The following PPARGC1A variants were observed in gnomAD, a reference collection of about 807,000 sequenced individuals.
The protein encoded by PPARGC1A is peroxisome proliferator-activated receptor gamma coactivator 1-alpha.
Under a neutral mutation model 88.7 loss-of-function variants are expected in PPARGC1A, and 25 were observed. The observed-to-expected ratio is 0.28, with a 90% CI of 0.21 to 0.39. PPARGC1A has a LOEUF of 0.39. Among genes scored for constraint, PPARGC1A ranks in the 10% least tolerant of loss-of-function variants. PPARGC1A has a pLI of 1.00. For missense variants in PPARGC1A, 880 were observed against 968.7 expected (o/e 0.91, Z 1.22); for synonymous variants, 363 against 355.6 (o/e 1.02, Z -0.24).
the PPARGC1A span, among the ~76,000 whole-genome samples, chr4:24,032,211 C>G: frequency 6.6e-6 from 1 of 152,186 alleles, no homozygotes; most frequent in African/African-American, 2.4e-5. Flanking sequence ...TTCTCATAAC[C>G]TTTTGACATG....
chr4:24,311,098 T>C, the PPARGC1A span, among the ~76,000 whole-genome samples: 1 of 110,718 alleles, frequency 9.0e-6, no homozygotes, highest in Non-Finnish European at 1.9e-5. Flanking sequence ...TTTTTTTTTT[T>C]TTTTTTTTTT....
At chr4:23,859,780 CAAAATAAAAT>C (rs66852812) in intron 2 of PPARGC1A, among the ~76,000 whole-genome samples, 6,450 of 118,122 alleles carry the variant, frequency 0.055, 249 homozygotes, top group South Asian at 0.12. Context: ...GACACCGTCT[CAAAATAAAAT>C]AAAATAAAAT....
At chr4:24,466,439 G>A in the PPARGC1A span, among the ~76,000 whole-genome samples, 12 of 152,186 alleles carry the variant, frequency 7.9e-5, no homozygotes, top group African/African-American at 1.4e-4. Flanking sequence ...CTGGTGGAGG[G>A]CCCAGCTTTC....
chr4:24,176,630 T>A, the PPARGC1A span, among the ~76,000 whole-genome samples: 1 of 152,086 alleles, frequency 6.6e-6, no homozygotes. Context: ...GTGCCAGACA[T>A]GGGACATGGG....
chr4:24,470,277 GACACACACACACACACAC>G, the PPARGC1A span, among the ~76,000 whole-genome samples: 695 of 110,746 alleles, frequency 6.3e-3, 3 homozygotes, highest in Non-Finnish European at 0.01. This position sits in a 1 kb window ranked among gnomAD's most constrained non-coding sequence, Gnocchi z 5.8. Context: ...GACAGACACA[GACACACACACACACACAC>G]ACACACACAC....
chr4:24,297,689 C>T, the PPARGC1A span, among the ~76,000 whole-genome samples: 772 of 152,274 alleles, frequency 5.1e-3, 8 homozygotes, highest in African/African-American at 0.018. Context: ...AGATCCCTCA[C>T]ATTTTTATTC....
the PPARGC1A span, among the ~76,000 whole-genome samples, chr4:24,237,707 T>C: frequency 2.0e-5 from 3 of 152,184 alleles, no homozygotes; most frequent in African/African-American, 7.2e-5. Context: ...AATGAAAACG[T>C]TTCAGAAATA....
At chr4:24,111,746 G>C in the PPARGC1A span, among the ~76,000 whole-genome samples, 1 of 152,124 alleles carries the variant, frequency 6.6e-6, no homozygotes, top group Non-Finnish European at 1.5e-5. Flanking sequence ...ACTCTTTCAA[G>C]CCACTTAGGA....
At chr4:24,145,243 A>G in the PPARGC1A span, among the ~76,000 whole-genome samples, 2 of 152,094 alleles carry the variant, frequency 1.3e-5, no homozygotes, top group African/African-American at 4.8e-5. Context: ...ACTTTGCCCA[A>G]AACACTCAGC....
intron 2 of PPARGC1A, among the ~76,000 whole-genome samples, chr4:23,836,208 A>G (rs1725981336): frequency 6.6e-6 from 1 of 152,220 alleles, no homozygotes; most frequent in South Asian, 2.1e-4. Flanking sequence ...CCAATTAGAC[A>G]GTGATCTACA....
At chr4:23,923,449 A>G in the PPARGC1A span, among the ~76,000 whole-genome samples, 1 of 152,184 alleles carries the variant, frequency 6.6e-6, no homozygotes, top group Non-Finnish European at 1.5e-5. Flanking sequence ...GAGAAATATT[A>G]CTGTCCAGTG....
At chr4:24,203,967 G>C in the PPARGC1A span, among the ~76,000 whole-genome samples, 1 of 152,212 alleles carries the variant, frequency 6.6e-6, no homozygotes, top group Admixed American at 6.5e-5. Context: ...ATGTTTAAGG[G>C]ATTTGCTTAT....
the PPARGC1A span, among the ~76,000 whole-genome samples, chr4:24,247,579 C>A: frequency 6.6e-6 from 1 of 152,174 alleles, no homozygotes; most frequent in Non-Finnish European, 1.5e-5. Context: ...ATCAGCTATA[C>A]ACTAAGAATT....
At chr4:24,248,459 G>T in the PPARGC1A span, among the ~76,000 whole-genome samples, 1 of 152,000 alleles carries the variant, frequency 6.6e-6, no homozygotes, top group South Asian at 2.1e-4. Flanking sequence ...CCAAGAGTTG[G>T]AGATAAGACA....
the PPARGC1A span, among the ~76,000 whole-genome samples, chr4:24,037,635 C>T: frequency 6.6e-6 from 1 of 152,174 alleles, no homozygotes; most frequent in South Asian, 2.1e-4. Flanking sequence ...GCATTCATCT[C>T]CTGATTACCG....
the PPARGC1A span, among the ~76,000 whole-genome samples, chr4:23,946,839 C>T: frequency 6.6e-6 from 1 of 151,970 alleles, no homozygotes; most frequent in African/African-American, 2.4e-5. Flanking sequence ...TACACACACA[C>T]ACACATACAT....
chr4:24,211,178 T>C, the PPARGC1A span, among the ~76,000 whole-genome samples: 1 of 152,076 alleles, frequency 6.6e-6, no homozygotes, highest in African/African-American at 2.4e-5. Context: ...TAATATTCAT[T>C]CCTTAAACTC....
chr4:24,122,300 A>G, the PPARGC1A span, among the ~76,000 whole-genome samples: 2 of 151,800 alleles, frequency 1.3e-5, no homozygotes, highest in Non-Finnish European at 2.9e-5. Context: ...AATACAGAAT[A>G]ATGTCACTGG....
chr4:24,117,002 C>G, the PPARGC1A span, among the ~76,000 whole-genome samples: 1 of 151,270 alleles, frequency 6.6e-6, no homozygotes, highest in Non-Finnish European at 1.5e-5. Flanking sequence ...ACAACCACAA[C>G]AACAACAAAA....
Sources: allele counts gnomAD v4.1 joint callset (sites outside exome capture counted in the v4.1 genomes callset), GRCh38; gene constraint gnomAD v4.1.1; non-coding constraint Gnocchi (gnomAD v3.1); transcripts MANE v1.5; gene names NCBI Gene and HGNC (gene_info 2026-07-23, HGNC 2026-07-21).